The following DCDC1 variants were observed in gnomAD, a reference collection of about 807,000 sequenced individuals.
DCDC1 encodes doublecortin domain containing 1.
DCDC1 carries 200 observed loss-of-function variants against 178.3 expected under a neutral mutation model. The ratio of observed to expected loss-of-function variants is 1.12; its 90% CI spans 1.00 to 1.26. DCDC1 has a LOEUF of 1.26. Among genes scored for constraint, DCDC1 ranks in the 50% most tolerant of loss-of-function variants. The pLI is 0.00. For missense variants in DCDC1, 1,983 were observed against 1,749.2 expected (o/e 1.13, Z -2.38); for synonymous variants, 690 against 604.8 (o/e 1.14, Z -2.07).
At chr11:31,040,582 A>G (rs867343458) in intron 20 of DCDC1, among the ~76,000 whole-genome samples, 87 of 152,320 alleles carry the variant, frequency 5.7e-4, no homozygotes, top group African/African-American at 2.0e-3. Context: ...ATAGCCATAA[A>G]AGGTTCAAAT....
Position 31,250,421 on chromosome 11 carries a change from C to CATATATATAT in DCDC1, c.1055-8806_1055-8805insATATATATAT. On this transcript the variant is annotated intron_variant, in intron 8 of 38. Coordinates refer to ENST00000684477, the MANE Select transcript of DCDC1 (RefSeq NM_001387274.1). ...ACACACACACACACACACACATATA[C>CATATATATAT]ATATATATGTATATATATATATATC... Among the ~76,000 whole-genome samples, 58 of 52,852 alleles carry CATATATATAT rather than the reference C, an allele frequency of 1.1e-3. 2 individuals carry two copies. Among genetic ancestry groups the CATATATATAT allele is most frequent in the East Asian group, 3.7e-3 (2 of 544 alleles). The allele number at this position is 52,852 out of a possible 152,430, so 34.7% of individuals were successfully genotyped here.
At chr11:31,270,030 C>T (rs973998024) in intron 7 of DCDC1, among the ~76,000 whole-genome samples, 13 of 152,144 alleles carry the variant, frequency 8.5e-5, no homozygotes, top group African/African-American at 2.9e-4. Flanking sequence ...ACCTTGAAAC[C>T]TTTTAATATG....
At chr11:31,164,491 A>G (rs946706667) in intron 9 of DCDC1, among the ~76,000 whole-genome samples, 2 of 152,164 alleles carry the variant, frequency 1.3e-5, no homozygotes, top group African/African-American at 4.8e-5. Context: ...GTTATTGATC[A>G]TCCTGACCCT....
At chr11:31,288,681 G>C (rs2137371502) in intron 7 of DCDC1, among the ~76,000 whole-genome samples, 1 of 151,792 alleles carries the variant, frequency 6.6e-6, no homozygotes, top group Non-Finnish European at 1.5e-5. Context: ...TTGAGAAATA[G>C]TTAACATTCC....
intron 1 of DCDC1, among the ~76,000 whole-genome samples, chr11:31,356,510 C>T (rs1951375177): frequency 6.6e-6 from 1 of 151,744 alleles, no homozygotes. Context: ...GACACCCTAA[C>T]ATCACAATTA....
chr11:31,060,840 TA>T (rs1278711999), intron 20 of DCDC1, among the ~76,000 whole-genome samples: 2 of 152,194 alleles, frequency 1.3e-5, no homozygotes, highest in African/African-American at 4.8e-5. Flanking sequence ...AATGTATTTT[TA>T]TAAGTTTGCT....
chr11:31,343,920 AAAAT>A (rs57107732), intron 1 of DCDC1, among the ~76,000 whole-genome samples: 99,687 of 149,244 alleles, frequency 0.67, 33,976 homozygotes, highest in African/African-American at 0.78. Flanking sequence ...ACTCCATCTC[AAAAT>A]AAATAAATAA....
intron 20 of DCDC1, among the ~76,000 whole-genome samples, chr11:30,961,647 G>A (rs1035123284): frequency 2.6e-5 from 4 of 151,990 alleles, no homozygotes; most frequent in African/African-American, 9.7e-5. Context: ...CGTAGAAACA[G>A]TGAAGAGGAT....
At chr11:31,187,259 G>T (rs991706076) in intron 9 of DCDC1, among the ~76,000 whole-genome samples, 1 of 152,136 alleles carries the variant, frequency 6.6e-6, no homozygotes, top group African/African-American at 2.4e-5. Context: ...TAATGCCATT[G>T]GTGCATGCCA....
chr11:30,926,591 C>T (rs1365159078), intron 22 of DCDC1, among the ~76,000 whole-genome samples: 1 of 152,136 alleles, frequency 6.6e-6, no homozygotes, highest in Non-Finnish European at 1.5e-5. Context: ...GTGAGGATAT[C>T]CCGCCTATGG....
chr11:31,045,737 A>G (rs1203753720), intron 20 of DCDC1, among the ~76,000 whole-genome samples: 1 of 152,128 alleles, frequency 6.6e-6, no homozygotes, highest in East Asian at 1.9e-4. Flanking sequence ...AAGTGCAGTC[A>G]AGTAATTTCC....
At chr11:31,355,612 G>C (rs866666433) in intron 1 of DCDC1, among the ~76,000 whole-genome samples, 1 of 151,808 alleles carries the variant, frequency 6.6e-6, no homozygotes, top group African/African-American at 2.4e-5. Flanking sequence ...CTGCTGCCTA[G>C]GCTGGAGTGC....
chr11:31,362,618 T>A (rs1951766002), intron 1 of DCDC1, among the ~76,000 whole-genome samples: 1 of 152,182 alleles, frequency 6.6e-6, no homozygotes, highest in Admixed American at 6.5e-5. Flanking sequence ...TCTGTTACTT[T>A]AACTATCTAT....
chr11:31,099,009 T>C (rs907289537), intron 15 of DCDC1, among the ~76,000 whole-genome samples: 5 of 152,238 alleles, frequency 3.3e-5, no homozygotes, highest in African/African-American at 1.2e-4. Flanking sequence ...TTAATAATGA[T>C]AAAATAACTG....
At chr11:31,100,352 A>C (rs1958430317) in intron 15 of DCDC1, among the ~76,000 whole-genome samples, 1 of 152,228 alleles carries the variant, frequency 6.6e-6, no homozygotes, top group Admixed American at 6.5e-5. Context: ...AGGAACACAA[A>C]GATGAGTAAG....
At chr11:30,984,811 C>G (rs532394809) in intron 20 of DCDC1, among the ~76,000 whole-genome samples, 2 of 152,236 alleles carry the variant, frequency 1.3e-5, no homozygotes, top group Non-Finnish European at 2.9e-5. Context: ...TCCCAAATGA[C>G]AGGGGGAACC....
At chr11:31,250,421 C>CATATATATATATATATATATATAT in intron 8 of DCDC1, among the ~76,000 whole-genome samples, 7 of 52,954 alleles carry the variant, frequency 1.3e-4, no homozygotes, top group South Asian at 8.7e-4. Flanking sequence ...CACACATATA[C>CATATATATATATATATATATATAT]ATATATATGT....
At chr11:31,362,729 A>C (rs1209044002) in intron 1 of DCDC1, among the ~76,000 whole-genome samples, 1 of 152,186 alleles carries the variant, frequency 6.6e-6, no homozygotes, top group Non-Finnish European at 1.5e-5. Context: ...GAATTGCTGA[A>C]AGTATTTTAA....
chr11:31,235,107 A>C (rs1335104881), intron 9 of DCDC1, among the ~76,000 whole-genome samples: 1 of 152,150 alleles, frequency 6.6e-6, no homozygotes, highest in Non-Finnish European at 1.5e-5. Context: ...AAAGAAGGAT[A>C]TCTTCATCTA....
Sources: gnomAD v4.1 joint callset for allele counts (sites outside exome capture counted in the v4.1 genomes callset) on GRCh38, gnomAD v4.1.1 for gene constraint, MANE v1.5 for transcripts, NCBI Gene and HGNC (gene_info 2026-07-23, HGNC 2026-07-21) for gene names.